Variants in WDR17 observed in about 807,000 individuals in gnomAD.
WDR17 encodes WD repeat domain 17.
In WDR17, 143 loss-of-function variants were observed where a neutral mutation model predicts 161.7. That is an observed-to-expected ratio of 0.88 (90% confidence interval 0.77 to 1.02). WDR17 has a LOEUF of 1.02. Ranked by LOEUF, WDR17 falls within the 50% of genes least tolerant of loss-of-function variation. The pLI, the probability that WDR17 is intolerant of heterozygous loss-of-function variation, is 0.00. For missense variants in WDR17, 1,469 were observed against 1,520.9 expected, an observed-to-expected ratio of 0.97 and a Z score of 0.57; for synonymous variants, 517 against 515.6, an observed-to-expected ratio of 1.00 and a Z score of -0.04.
intron 1 of WDR17, among the ~76,000 whole-genome samples, chr4:176,093,881 T>C (rs1736449825): frequency 6.6e-6 from 1 of 152,222 alleles, no homozygotes; most frequent in East Asian, 1.9e-4. Context: ...TAACATTTAA[T>C]CTGAGATTAC....
intron 22 of WDR17, among the ~76,000 whole-genome samples, chr4:176,168,237 T>C (rs1750177527): frequency 1.3e-5 from 2 of 152,218 alleles, no homozygotes; most frequent in South Asian, 4.1e-4. Context: ...AATTATGAAC[T>C]TAACTCAATA....
At chr4:176,102,772 G>C (rs563781070) in intron 1 of WDR17, among the ~76,000 whole-genome samples, 1 of 152,258 alleles carries the variant, frequency 6.6e-6, no homozygotes, top group Admixed American at 6.5e-5. Flanking sequence ...TGTAATACCA[G>C]AATCTATGAA....
At chr4:176,137,462 A>G in intron 8 of WDR17, 58 bp from the exon 9 acceptor site, 1 of 1,409,476 alleles carries the variant, frequency 7.1e-7, no homozygotes, top group Non-Finnish European at 9.9e-7. Flanking sequence ...TACATTTTTT[A>G]AAAGAATTAC....
intron 1 of WDR17, among the ~76,000 whole-genome samples, chr4:176,101,229 C>T (rs1272899043): frequency 6.6e-6 from 1 of 152,126 alleles, no homozygotes; most frequent in African/African-American, 2.4e-5. Context: ...CTTCAGCCAT[C>T]CTGTCCCACC....
chr4:176,118,851 C>T (rs1741072494), intron 3 of WDR17, among the ~76,000 whole-genome samples: 1 of 151,858 alleles, frequency 6.6e-6, no homozygotes, highest in African/African-American at 2.4e-5. Flanking sequence ...GTCCCAGCTA[C>T]TCGGGAGGCT....
chr4:176,069,651 A>C (rs1296922952), intron 1 of WDR17, among the ~76,000 whole-genome samples: 1 of 151,786 alleles, frequency 6.6e-6, no homozygotes, highest in Non-Finnish European at 1.5e-5. Context: ...GATTCTTCCC[A>C]TTTTTTTTAG....
intron 1 of WDR17, among the ~76,000 whole-genome samples, chr4:176,102,647 T>C (rs147251284): frequency 1.3e-5 from 2 of 152,284 alleles, no homozygotes; most frequent in African/African-American, 2.4e-5. Flanking sequence ...TCTAGATAAA[T>C]AGTATTATTC....
intron 22 of WDR17, among the ~76,000 whole-genome samples, chr4:176,167,666 A>AAAAAAAAAAAAAAACC (rs1561210753): frequency 2.1e-5 from 3 of 139,866 alleles, no homozygotes; most frequent in African/African-American, 7.8e-5. Flanking sequence ...AAAAAAAAAA[A>AAAAAAAAAAAAAAACC]AAAAAACAAT....
chr4:176,177,544 C>T lies in WDR17; in HGVS notation c.3622C>T (p.Leu1208=), dbSNP rs779406375. The T allele has an allele frequency of 7.5e-6, 12 of 1,601,212 alleles. No individual in the cohort carries two copies. The highest frequency in any genetic ancestry group is 2.2e-5 in the East Asian group (1 of 44,534). The part of the protein sequence containing the change: ...RMIYATLLKR[L]KEESLKGIIG... ...GATTTATGCAACTTTATTAAAGAGA[C>T]TAAAAGAAGAGTCACTGAAAGGAAT... is the stretch of plus-strand genomic sequence containing the variant. The change falls in exon 28 of 29, where the codon CTA becomes TTA. Residue 1208 remains leucine (L), a synonymous_variant. Transcript: ENST00000508596.
rs1301147784 is a variant in WDR17, at chr4:176,137,561, G to C, written c.1309G>C (p.Ala437Pro). 6.2e-7 allele frequency: 1 copy of C among 1,600,528 alleles called. No homozygotes were observed. Among genetic ancestry groups the C allele is most frequent in the Non-Finnish European group, 8.5e-7 (1 of 1,171,596 alleles). ...TGCTGGGGGAACTTCCCGAAATGGT[G>C]CTTTTATTTGGAATGTTCAAAAGGG... ...CIAGGTSRNGAFIWNVQKGKI... is the reference protein window; with the variant it reads ...CIAGGTSRNGPFIWNVQKGKI... Residue 437 changes from alanine (A) to proline (P), a missense_variant, in exon 9 of 29, where the codon GCT becomes CCT. Physicochemically the swap from Ala to Pro is conservative, Grantham distance 27. Coordinates refer to ENST00000508596, the MANE Select transcript of WDR17 (RefSeq NM_181265.4).
chr4:176,136,303 C>T (rs1284054469), intron 8 of WDR17, among the ~76,000 whole-genome samples: 2 of 151,676 alleles, frequency 1.3e-5, no homozygotes, highest in African/African-American at 4.8e-5. Context: ...TGCACCTCCA[C>T]TGTAGGTTAC....
chr4:176,068,306 C>T (rs1321016165), intron 1 of WDR17: 1 of 152,080 alleles, frequency 6.6e-6, no homozygotes. Flanking sequence ...TTATAGAAAT[C>T]ATATGAGGAT....
rs575630156 is a variant in WDR17 at position 176,179,334 on chromosome 4, A to AT, written c.3733-119dup. ...AAAAACTAATTTTCTCATAGTCTTC[A>AT]TTTTTTTATTAGCTTTGCCTAAATA... On this transcript the variant is annotated intron_variant, in intron 28 of 28. Coordinates refer to ENST00000508596, the MANE Select transcript of WDR17 (RefSeq NM_181265.4). 413 of 1,125,850 alleles carry AT rather than the reference A, an allele frequency of 3.7e-4. 1 individual carries two copies. In the African/African-American group the frequency reaches 6.0e-3, roughly 16 times the overall value. 69.7% of individuals were successfully genotyped at this position (1,125,850 alleles called of 1,614,324 possible).
chr4:176,078,838 A>G (rs1249258849), intron 1 of WDR17, among the ~76,000 whole-genome samples: 2 of 152,052 alleles, frequency 1.3e-5, no homozygotes, highest in Non-Finnish European at 2.9e-5. Context: ...TCAGGATAGT[A>G]TATCTGTCAC....
chr4:176,149,324 C>T, intron 13 of WDR17, among the ~76,000 whole-genome samples: 1 of 151,316 alleles, frequency 6.6e-6, no homozygotes. Context: ...GGATGGTGTA[C>T]AGTGGCGCAA....
intron 23 of WDR17, among the ~76,000 whole-genome samples, chr4:176,171,942 G>A (rs756373794): frequency 5.3e-5 from 8 of 152,210 alleles, no homozygotes; most frequent in East Asian, 1.9e-4. Flanking sequence ...GCCAAGTGAC[G>A]TTAAATTACA....
In WDR17 at chr4:176,127,137, G is replaced by A. The variant is rs143288278; in HGVS notation, c.791-1601G>A. 2.8e-3 allele frequency among the ~76,000 whole-genome samples: 427 copies of A among 152,254 alleles called. 2 individuals are homozygous for A. Among genetic ancestry groups the A allele is most frequent in the Admixed American group, 4.4e-3 (67 of 15,288 alleles). On this transcript the variant is annotated intron_variant, in intron 5 of 28. Coordinates refer to ENST00000508596, the MANE Select transcript of WDR17 (RefSeq NM_181265.4). ...AAATAATATGCCACTTTATGTAAGA[G>A]ACTTGAGCATTCCTGGATTTTGTTA...
At chr4:176,092,827 C>T (rs527774851) in intron 1 of WDR17, among the ~76,000 whole-genome samples, 3 of 152,040 alleles carry the variant, frequency 2.0e-5, no homozygotes, top group South Asian at 2.1e-4. Flanking sequence ...GGATCACTAG[C>T]GGTCAGGAGT....
intron 9 of WDR17, 61 bp downstream of exon 9, chr4:176,137,672 G>A (rs1744636683): frequency 9.7e-7 from 1 of 1,035,690 alleles, no homozygotes; most frequent in African/African-American, 1.7e-5. Flanking sequence ...TATTTATTTT[G>A]TAAATATTTT....
Sources: gnomAD v4.1 joint callset for allele counts (sites outside exome capture counted in the v4.1 genomes callset) on GRCh38, gnomAD v4.1.1 for gene constraint, MANE v1.5 for transcripts, NCBI Gene and HGNC (gene_info 2026-07-23, HGNC 2026-07-21) for gene names.